Variants in NALCN observed in about 807,000 individuals in gnomAD.
The protein encoded by NALCN is sodium leak channel, non-selective.
NALCN carries 111 observed loss-of-function variants against 225.3 expected under a neutral mutation model. That is an observed-to-expected ratio of 0.49 (90% CI 0.42 to 0.58). The LOEUF (loss-of-function observed/expected upper bound fraction) is 0.58. Among genes scored for constraint, NALCN ranks in the 20% least tolerant of loss-of-function variants. The pLI, the probability that NALCN is intolerant of heterozygous loss-of-function variation, is 0.00. For synonymous variants in NALCN, 764 were observed against 769.0 expected, an observed-to-expected ratio of 0.99 and a Z score of 0.11; for missense variants, 1,378 against 2,202.4, an observed-to-expected ratio of 0.63 and a Z score of 7.49.
chr13:101,332,381 C>A (rs1161567371), intron 7 of NALCN, among the ~76,000 whole-genome samples: 10 of 98,250 alleles, frequency 1.0e-4, no homozygotes, highest in Admixed American at 4.1e-4. Flanking sequence ...TTAAAAAAAA[C>A]CCAAATTCAC....
chr13:101,403,834 T>C (rs1359053719), intron 1 of NALCN, among the ~76,000 whole-genome samples: 3 of 152,276 alleles, frequency 2.0e-5, no homozygotes, highest in South Asian at 2.1e-4. Flanking sequence ...TTGCTTAGTA[T>C]CCCTGGCACA....
At chr13:101,222,554 C>G (rs2040981737) in intron 13 of NALCN, among the ~76,000 whole-genome samples, 1 of 152,118 alleles carries the variant, frequency 6.6e-6, no homozygotes, top group Admixed American at 6.5e-5. Context: ...AAACCCTCCT[C>G]TCCAAGCAGG....
chr13:101,236,351 G>A (rs1414616772), intron 12 of NALCN, among the ~76,000 whole-genome samples: 1 of 152,210 alleles, frequency 6.6e-6, no homozygotes, highest in East Asian at 1.9e-4. Flanking sequence ...GGAAGTCAGT[G>A]TGGCGATTCC....
chr13:101,312,249 CT>C (rs2044374117), intron 7 of NALCN, among the ~76,000 whole-genome samples: 1 of 152,130 alleles, frequency 6.6e-6, no homozygotes, highest in South Asian at 2.1e-4. Context: ...ATTCTTCTCT[CT>C]TTTCTTCTTT....
intron 6 of NALCN, among the ~76,000 whole-genome samples, chr13:101,359,899 C>A (rs1218512193): frequency 6.6e-6 from 1 of 152,114 alleles, no homozygotes; most frequent in East Asian, 1.9e-4. Flanking sequence ...AACACGATCT[C>A]CAGTTTATTG....
chr13:101,358,875 T>C (rs368441139), intron 6 of NALCN, among the ~76,000 whole-genome samples: 4 of 152,064 alleles, frequency 2.6e-5, no homozygotes, highest in African/African-American at 9.7e-5. Context: ...TAAAAAGAAA[T>C]GAGATCATAT....
chr13:101,190,908 G>A (rs1460082316), intron 14 of NALCN, among the ~76,000 whole-genome samples: 3 of 152,138 alleles, frequency 2.0e-5, no homozygotes, highest in Non-Finnish European at 4.4e-5. Context: ...CAAGACTAAG[G>A]ACCAAATCTA....
intron 15 of NALCN, among the ~76,000 whole-genome samples, chr13:101,172,871 C>G (rs1199179631): frequency 6.6e-6 from 1 of 152,042 alleles, no homozygotes; most frequent in African/African-American, 2.4e-5. Context: ...CTGGCCAACA[C>G]CCCCATTTTA....
At position 101,292,483 on chromosome 13, in the gene NALCN, CA is replaced by C. The variant is rs1213817764; in HGVS notation, c.800-118del. 2 of 1,076,838 alleles carry C rather than the reference CA, an allele frequency of 1.9e-6. No homozygotes were observed. The highest frequency in any genetic ancestry group is 2.6e-5 in the East Asian group (1 of 39,042). 66.7% of individuals were successfully genotyped at this position (1,076,838 alleles called of 1,614,324 possible). On this transcript the variant is annotated intron_variant, in intron 7 of 43. Transcript: ENST00000251127. This position sits in a 1 kb window ranked among gnomAD's most constrained non-coding sequence, Gnocchi z 4.3. ...TATTTTCTCAATGACAAAAGTGCTT[CA>C]AAAATTGATTAGAATCACATGCAAC...
At chr13:101,133,728 A>C (rs2036626395) in intron 17 of NALCN, among the ~76,000 whole-genome samples, 1 of 152,188 alleles carries the variant, frequency 6.6e-6, no homozygotes, top group East Asian at 1.9e-4. Context: ...AAATTTTAAA[A>C]GGTGATTAAT....
chr13:101,065,635 A>G, intron 39 of NALCN, 74 bp from the exon 40 acceptor site: 1 of 1,543,226 alleles, frequency 6.5e-7, no homozygotes, highest in Non-Finnish European at 8.7e-7. Flanking sequence ...AAAGAAAAAA[A>G]AAAAGGTGCT....
chr13:101,188,306 G>C (rs770247544), intron 14 of NALCN, among the ~76,000 whole-genome samples: 1 of 152,056 alleles, frequency 6.6e-6, no homozygotes, highest in Non-Finnish European at 1.5e-5. Flanking sequence ...TGTTGAGTTT[G>C]ATACCATTTG....
chr13:101,131,620 G>A (rs2139732146), intron 17 of NALCN, among the ~76,000 whole-genome samples: 1 of 152,142 alleles, frequency 6.6e-6, no homozygotes, highest in East Asian at 1.9e-4. Flanking sequence ...TTTCAGAATG[G>A]AGCAAAGAAG....
chr13:101,095,062 G>T (rs963366065), intron 28 of NALCN, among the ~76,000 whole-genome samples: 2 of 152,076 alleles, frequency 1.3e-5, no homozygotes, highest in Non-Finnish European at 2.9e-5. Context: ...TCAATTTAAA[G>T]AAAAAGGAAT....
chr13:101,335,222 A>G (rs2045339188), intron 7 of NALCN, among the ~76,000 whole-genome samples: 1 of 152,168 alleles, frequency 6.6e-6, no homozygotes. Flanking sequence ...ACAATGGACA[A>G]CCTTATTTTT....
Position 101,396,952 on chromosome 13 carries a change from T to C in NALCN, c.109-1587A>G, listed in dbSNP as rs191315232. Among the ~76,000 whole-genome samples, 427 of 151,050 alleles carry C rather than the reference T, an allele frequency of 2.8e-3. 2 individuals carry two copies. The highest frequency in any genetic ancestry group is 9.8e-3 in the African/African-American group (405 of 41,246). On this transcript the variant is annotated intron_variant, in intron 2 of 43. Coordinates refer to ENST00000251127, the MANE Select transcript of NALCN (RefSeq NM_052867.4). ...TCTCTATTCCATTCAATTCTCTAAG[T>C]ATGAATGAAGGCCTACTATGTGTCA... is the stretch of plus-strand genomic sequence containing the variant.
chr13:101,394,199 C>T (rs927331153), intron 3 of NALCN, among the ~76,000 whole-genome samples: 19 of 152,080 alleles, frequency 1.2e-4, no homozygotes, highest in African/African-American at 4.6e-4. Context: ...TTTTAAAGTC[C>T]ACAATAAAAA....
At chr13:101,256,765 C>CTTTT (rs59036479) in intron 11 of NALCN, among the ~76,000 whole-genome samples, 6 of 133,530 alleles carry the variant, frequency 4.5e-5, no homozygotes, top group African/African-American at 1.1e-4. Context: ...CTTCTTTCTG[C>CTTTT]TTTTTTTTTT....
At chr13:101,312,967 C>A (rs1421324725) in intron 7 of NALCN, among the ~76,000 whole-genome samples, 2 of 152,170 alleles carry the variant, frequency 1.3e-5, no homozygotes, top group African/African-American at 2.4e-5. Flanking sequence ...CAGCATGGTA[C>A]TGGTACCAAA....
Sources: allele counts gnomAD v4.1 joint callset (sites outside exome capture counted in the v4.1 genomes callset), GRCh38; gene constraint gnomAD v4.1.1; non-coding constraint Gnocchi (gnomAD v3.1); transcripts MANE v1.5; gene names NCBI Gene and HGNC (gene_info 2026-07-23, HGNC 2026-07-21).